Variants in ARL15 observed in about 807,000 individuals in gnomAD.
The protein encoded by ARL15 is ARF like GTPase 15.
A neutral mutation model predicts 25.2 loss-of-function variants in ARL15; 19 were observed. That is an observed-to-expected ratio of 0.75 (90% CI 0.53 to 1.10). The LOEUF (loss-of-function observed/expected upper bound fraction) is 1.10, where lower values mean the gene tolerates loss of function less well. Ranked by LOEUF, ARL15 falls within the 50% of genes least tolerant of loss-of-function variation. The probability of loss-of-function intolerance (pLI) is 0.00; values close to 1 mark genes in which losing one functional copy is unlikely to be tolerated. For missense variants in ARL15, 220 were observed against 246.0 expected (o/e 0.89, Z 0.71); for synonymous variants, 94 against 86.8 (o/e 1.08, Z -0.46).
At chr5:53,947,944 G>T (rs562785852) in intron 4 of ARL15, among the ~76,000 whole-genome samples, 1 of 152,106 alleles carries the variant, frequency 6.6e-6, no homozygotes, top group South Asian at 2.1e-4. Flanking sequence ...AAAAATCTCC[G>T]TGAGTGCATT....
intron 4 of ARL15, among the ~76,000 whole-genome samples, chr5:54,109,180 T>G (rs1015949914): frequency 6.6e-6 from 1 of 152,036 alleles, no homozygotes; most frequent in Non-Finnish European, 1.5e-5. Flanking sequence ...TGTATTTTCC[T>G]GTGTTAATGA....
At chr5:53,904,094 T>A (rs1164582198) in intron 4 of ARL15, among the ~76,000 whole-genome samples, 1 of 152,130 alleles carries the variant, frequency 6.6e-6, no homozygotes, top group East Asian at 1.9e-4. Context: ...TAAGGACAAA[T>A]CTATAGTTGG....
At chr5:54,067,986 T>C (rs961212825) in intron 4 of ARL15, among the ~76,000 whole-genome samples, 4 of 152,244 alleles carry the variant, frequency 2.6e-5, no homozygotes, top group Non-Finnish European at 4.4e-5. Flanking sequence ...TTTGTAGGTC[T>C]ATCTCTCCCA....
intron 4 of ARL15, among the ~76,000 whole-genome samples, chr5:53,932,094 G>T (rs1366458281): frequency 6.6e-6 from 1 of 152,198 alleles, no homozygotes; most frequent in Non-Finnish European, 1.5e-5. Flanking sequence ...TTGTAAACTG[G>T]CATTTGTATT....
intron 4 of ARL15, among the ~76,000 whole-genome samples, chr5:54,086,493 A>C (rs1381109746): frequency 6.6e-6 from 1 of 150,406 alleles, no homozygotes. Flanking sequence ...ATAGACATTT[A>C]CCAGATGTAA....
chr5:54,070,960 G>A (rs1751400338), intron 4 of ARL15, among the ~76,000 whole-genome samples: 1 of 152,006 alleles, frequency 6.6e-6, no homozygotes, highest in South Asian at 2.1e-4. Context: ...CCTGAGCTCA[G>A]GAATTCGAGA....
rs1429081180 is a variant in ARL15, at chr5:54,113,382, G to A, written c.282C>T (p.Ser94=). ...GGADNIRKYW[S]RYYQGSQGVI... Reference sequence around the variant, plus strand: ...CCCCTTGAGATCCTTGGTAGTAGCGGCTCCAGTATTTCCGGATGTTATCAG... The same window carrying A: ...CCCCTTGAGATCCTTGGTAGTAGCGACTCCAGTATTTCCGGATGTTATCAG... The change falls in exon 4 of 5, where the codon AGC becomes AGT. Residue 94 remains serine (S), a synonymous_variant. Transcript: ENST00000504924. 6.2e-7 allele frequency: 1 copy of A among 1,613,868 alleles called. No homozygotes were observed. The highest frequency in any genetic ancestry group is 2.2e-5 in the East Asian group (1 of 44,882).
intron 4 of ARL15, among the ~76,000 whole-genome samples, chr5:53,978,420 C>T (rs562130714): frequency 1.3e-5 from 2 of 151,998 alleles, no homozygotes; most frequent in South Asian, 2.1e-4. Flanking sequence ...ATGTTGAAAT[C>T]TCTCCTTAGC....
intron 1 of ARL15, among the ~76,000 whole-genome samples, chr5:54,242,171 A>G (rs1056859363): frequency 7.4e-5 from 11 of 148,616 alleles, no homozygotes; most frequent in African/African-American, 2.8e-4. Flanking sequence ...ACACACACGC[A>G]CACACACACA....
intron 4 of ARL15, among the ~76,000 whole-genome samples, chr5:54,074,676 A>T (rs954412565): frequency 6.6e-6 from 1 of 152,170 alleles, no homozygotes; most frequent in Non-Finnish European, 1.5e-5. Context: ...AGTTTCTATT[A>T]TTCAAGTCAG....
chr5:54,231,523 C>T (rs1390341392), intron 1 of ARL15, among the ~76,000 whole-genome samples: 1 of 152,190 alleles, frequency 6.6e-6, no homozygotes, highest in African/African-American at 2.4e-5. Context: ...AAACCAAGCT[C>T]CTTAACAAGG....
chr5:54,181,199 A>G (rs752142740), intron 1 of ARL15, among the ~76,000 whole-genome samples: 2 of 152,246 alleles, frequency 1.3e-5, no homozygotes, highest in African/African-American at 2.4e-5. Flanking sequence ...CTAGGAAAGA[A>G]AACTAAGTAA....
At chr5:54,194,825 AAT>A (rs1321075176) in intron 1 of ARL15, among the ~76,000 whole-genome samples, 1 of 152,154 alleles carries the variant, frequency 6.6e-6, no homozygotes, top group Non-Finnish European at 1.5e-5. Context: ...ACAGGCACAA[AAT>A]GAACCATGTT....
At chr5:54,211,467 C>CTTT (rs57554255) in intron 1 of ARL15, among the ~76,000 whole-genome samples, 39,182 of 119,154 alleles carry the variant, frequency 0.33, 6,850 homozygotes, top group Non-Finnish European at 0.36. Context: ...AAATGAAACA[C>CTTT]TTTTTTTTTT....
At chr5:54,139,381 G>A (rs370907399) in intron 3 of ARL15, among the ~76,000 whole-genome samples, 17 of 152,274 alleles carry the variant, frequency 1.1e-4, no homozygotes, top group African/African-American at 3.6e-4. Flanking sequence ...CGTGAAGCTA[G>A]AGGTCATTAT....
chr5:54,302,267 G>C (rs1350297004), intron 1 of ARL15, among the ~76,000 whole-genome samples: 1 of 152,166 alleles, frequency 6.6e-6, no homozygotes, highest in African/African-American at 2.4e-5. Flanking sequence ...TAGTTAAGCA[G>C]CACCGAAGAA....
intron 4 of ARL15, among the ~76,000 whole-genome samples, chr5:54,040,188 C>T (rs976599136): frequency 6.6e-6 from 1 of 152,108 alleles, no homozygotes; most frequent in Admixed American, 6.6e-5. Context: ...TGTCTGGCAC[C>T]AATGGCACAT....
chr5:53,923,765 T>G (rs56245000), intron 4 of ARL15, among the ~76,000 whole-genome samples: 8,332 of 152,226 alleles, frequency 0.055, 306 homozygotes, highest in Non-Finnish European at 0.085. Context: ...CTCGGGAGGC[T>G]GAGGCAGGAG....
intron 4 of ARL15, among the ~76,000 whole-genome samples, chr5:54,062,689 G>A (rs1751106577): frequency 1.3e-5 from 2 of 152,190 alleles, no homozygotes; most frequent in African/African-American, 4.8e-5. Flanking sequence ...AAATTGCCCA[G>A]TCTCAGGGAT....
Sources: gnomAD v4.1 joint callset for allele counts (sites outside exome capture counted in the v4.1 genomes callset) on GRCh38, gnomAD v4.1.1 for gene constraint, MANE v1.5 for transcripts, NCBI Gene and HGNC (gene_info 2026-07-23, HGNC 2026-07-21) for gene names.